The following FAM20A variants were observed in gnomAD, a reference collection of about 807,000 sequenced individuals.
FAM20A encodes pseudokinase FAM20A.
FAM20A carries 42 observed loss-of-function variants against 52.0 expected under a neutral mutation model. That is an observed-to-expected ratio of 0.81 (90% CI 0.63 to 1.04). FAM20A has a LOEUF of 1.04. FAM20A is among the 50% of genes least tolerant of loss of function. The pLI is 0.00. For synonymous variants in FAM20A, 304 were observed against 298.9 expected (o/e 1.02, Z -0.18); for missense variants, 742 against 712.7 (o/e 1.04, Z -0.47).
chr17:68,570,829 T>C (rs148095770), intron 1 of FAM20A, among the ~76,000 whole-genome samples: 1 of 152,362 alleles, frequency 6.6e-6, no homozygotes, highest in Non-Finnish European at 1.5e-5. Flanking sequence ...CACTGGTTAC[T>C]AAGCTATTAT....
chr17:68,594,615 T>C (rs935134410), intron 1 of FAM20A, among the ~76,000 whole-genome samples: 2 of 152,150 alleles, frequency 1.3e-5, no homozygotes, highest in Admixed American at 6.5e-5. Context: ...GGGAAAAAAA[T>C]CTGCTTCCAA....
rs1166355128 is a variant in FAM20A at position 68,575,551 on chromosome 17, AATAT to A, written c.405-19812_405-19809del. Among the ~76,000 whole-genome samples, 14 of 109,334 alleles carry A rather than the reference AATAT, an allele frequency of 1.3e-4. No individual in the cohort carries two copies. The East Asian group carries it at 3.1e-3, about 24-fold the overall frequency. The allele number at this position is 109,334 out of a possible 152,430, so 71.7% of individuals were successfully genotyped here. On this transcript the variant is annotated intron_variant, in intron 1 of 10. Transcript: ENST00000592554. ...ATAATATATATTTTATATATTATATAATATATATTTTATATATTATATAATATAT... is the reference window on the plus strand; with the variant it reads ...ATAATATATATTTTATATATTATATAATATTTTATATATTATATAATATAT...
chr17:68,537,701 G>T lies in FAM20A; in HGVS notation c.1402C>A (p.Gln468Lys), dbSNP rs752731065. The T allele has an allele frequency of 6.2e-7, 1 of 1,613,588 alleles. No individual in the cohort carries two copies. The highest frequency in any genetic ancestry group is 8.5e-7 in the Non-Finnish European group (1 of 1,179,808). The change falls in exon 11 of 11, where the codon CAA becomes AAA. Residue 468 changes from glutamine to lysine, a missense_variant. Gln to Lys is a moderately conservative substitution (Grantham distance 53, BLOSUM62 1). Transcript: ENST00000592554. This position sits in a 1 kb window ranked among gnomAD's most constrained non-coding sequence, Gnocchi z 4.2. ...ACATCGCTGAGTCTGTAGTCAGCTT[G>T]GGCCAGCAGCTGCAGGTGCAAAAGT... is the stretch of plus-strand genomic sequence containing the variant. ...KTLLHLQLLAQADYRLSDVMR... is the reference protein window; with the variant it reads ...KTLLHLQLLAKADYRLSDVMR...
intron 1 of FAM20A, among the ~76,000 whole-genome samples, chr17:68,578,646 G>T (rs1041124272): frequency 1.3e-5 from 2 of 151,828 alleles, no homozygotes; most frequent in Non-Finnish European, 2.9e-5. Context: ...AGGACCAAGG[G>T]GAAGTTTAGA....
chr17:68,548,900 T>A (rs886243394), intron 4 of FAM20A, among the ~76,000 whole-genome samples: 1 of 151,398 alleles, frequency 6.6e-6, no homozygotes, highest in Non-Finnish European at 1.5e-5. Context: ...GCCCGGCTAA[T>A]TTTTTGTATT....
At chr17:68,541,856 A>G (rs1410031270) in intron 7 of FAM20A, 129 bp downstream of exon 7, 3 of 1,130,878 alleles carry the variant, frequency 2.7e-6, no homozygotes, top group African/African-American at 1.6e-5. Flanking sequence ...CCCAGGATCA[A>G]TATGAAATGG....
intron 1 of FAM20A, among the ~76,000 whole-genome samples, chr17:68,563,877 G>T (rs1598040119): frequency 6.6e-6 from 1 of 152,266 alleles, no homozygotes; most frequent in East Asian, 1.9e-4. Context: ...CCAAATAAAG[G>T]ATAAACAGCA....
chr17:68,545,541 A>G (rs1401159474), intron 4 of FAM20A, among the ~76,000 whole-genome samples: 1 of 152,240 alleles, frequency 6.6e-6, no homozygotes, highest in African/African-American at 2.4e-5. Context: ...CTGAGCCTTC[A>G]GCAAGTCATA....
chr17:68,584,689 G>A (rs951833645), intron 1 of FAM20A, among the ~76,000 whole-genome samples: 3 of 152,200 alleles, frequency 2.0e-5, no homozygotes, highest in African/African-American at 7.2e-5. Context: ...AGGAGAGGGA[G>A]GAAGAAGCAT....
At chr17:68,594,954 A>G (rs1307665544) in intron 1 of FAM20A, among the ~76,000 whole-genome samples, 4 of 152,322 alleles carry the variant, frequency 2.6e-5, no homozygotes, top group African/African-American at 9.6e-5. Flanking sequence ...AGCAGTACCC[A>G]TATTAGCAGT....
At chr17:68,598,308 T>A (rs1237113504) in intron 1 of FAM20A, among the ~76,000 whole-genome samples, 1 of 152,180 alleles carries the variant, frequency 6.6e-6, no homozygotes, top group Non-Finnish European at 1.5e-5. Flanking sequence ...CCCGGCCTTG[T>A]GTTTCATTTT....
rs1233987068 is a variant in FAM20A, at chr17:68,555,743, C to T, written c.405G>A (p.Arg135=). Residue 135 remains arginine (R), a splice_region_variant and synonymous_variant, in exon 2 of 11, where the codon AGG becomes AGA. Coordinates refer to ENST00000592554, the MANE Select transcript of FAM20A (RefSeq NM_017565.4). ...TCTGCTCTCTGTACATCTTGTGTCG[C>T]CTGAAAGAGCCAGATAGTTGTTCAT... ...YYRRKVARWN[R]RHKMYREQMN... 1 of 1,614,004 alleles carries T rather than the reference C, an allele frequency of 6.2e-7. No individual in the cohort carries two copies. Among genetic ancestry groups the T allele is most frequent in the Non-Finnish European group, 8.5e-7 (1 of 1,180,036 alleles).
Position 68,536,323 on chromosome 17 carries a change from A to C in FAM20A, c.*1154T>G, listed in dbSNP as rs1156830330. The C allele has an allele frequency of 2.2e-6, 1 of 454,060 alleles. No individual in the cohort carries two copies. Among genetic ancestry groups the C allele is most frequent in the Non-Finnish European group, 4.4e-6 (1 of 226,760 alleles). 28.1% of individuals were successfully genotyped at this position (454,060 alleles called of 1,614,324 possible). On this transcript the variant is annotated 3_prime_UTR_variant, in exon 11 of 11. Coordinates refer to ENST00000592554, the MANE Select transcript of FAM20A (RefSeq NM_017565.4). ...GAGGCATTTTTACTTTTGTTGACTG[A>C]CTAGTCACTCCATGGAATGAAGACC...
chr17:68,543,515 G>GAAAGCCA (rs1228276057), intron 5 of FAM20A, 114 bp downstream of exon 5: 35 of 909,884 alleles, frequency 3.8e-5, no homozygotes, highest in Non-Finnish European at 6.1e-5. Context: ...GAAGAAGATA[G>GAAAGCCA]AAAGCCAGAA....
chr17:68,558,082 G>A (rs1598031173), intron 1 of FAM20A, among the ~76,000 whole-genome samples: 1 of 152,262 alleles, frequency 6.6e-6, no homozygotes, highest in East Asian at 1.9e-4. Context: ...GGCATCAGAA[G>A]CATTTGACAC....
At chr17:68,575,397 T>A (rs375357058) in intron 1 of FAM20A, among the ~76,000 whole-genome samples, 10 of 109,498 alleles carry the variant, frequency 9.1e-5, no homozygotes, top group Middle Eastern at 4.8e-3. Flanking sequence ...ATATATATAT[T>A]TTATATATAT....
chr17:68,572,313 A>T (rs1259132541), intron 1 of FAM20A, among the ~76,000 whole-genome samples: 1 of 152,072 alleles, frequency 6.6e-6, no homozygotes, highest in Non-Finnish European at 1.5e-5. Flanking sequence ...AAGTGGGCTG[A>T]GGCTTCATCA....
intron 1 of FAM20A, chr17:68,598,099 G>C (rs575660271): frequency 6.6e-6 from 1 of 151,040 alleles, no homozygotes; most frequent in South Asian, 2.1e-4. Flanking sequence ...AACCTTCTGG[G>C]CTCAAGCAAT....
Position 68,537,267 on chromosome 17 carries a change from C to T in FAM20A, c.*210G>A, listed in dbSNP as rs2286554. On this transcript the variant is annotated 3_prime_UTR_variant, in exon 11 of 11. Coordinates refer to ENST00000592554, the MANE Select transcript of FAM20A (RefSeq NM_017565.4). This position sits in a 1 kb window ranked among gnomAD's most constrained non-coding sequence, Gnocchi z 4.2. ...TGAAGCCAGTGCTTTTTGGGAAAAA[C>T]GGAGCAAGGCAACGCACGACAGAAG... 0.012 allele frequency: 8,760 copies of T among 722,954 alleles called. 378 individuals are homozygous for T. The highest frequency in any genetic ancestry group is 0.078 in the South Asian group (5,263 of 67,206). 44.8% of individuals were successfully genotyped at this position (722,954 alleles called of 1,614,324 possible). A position where few individuals can be genotyped will look rare whatever the true frequency, so the allele number is the denominator to read the frequency against.
Sources: gnomAD v4.1 joint callset for allele counts (sites outside exome capture counted in the v4.1 genomes callset) on GRCh38, gnomAD v4.1.1 for gene constraint, Gnocchi (gnomAD v3.1) non-coding constraint, MANE v1.5 for transcripts, NCBI Gene and HGNC (gene_info 2026-07-23, HGNC 2026-07-21) for gene names.